AGBL4: variants seen among roughly 807,000 people sequenced by gnomAD.
AGBL4 encodes AGBL carboxypeptidase 4.
AGBL4 carries 58 observed loss-of-function variants against 66.4 expected under a neutral mutation model. That is an observed-to-expected ratio of 0.87 (90% CI 0.71 to 1.09). The LOEUF (loss-of-function observed/expected upper bound fraction) is 1.09, where lower values mean the gene tolerates loss of function less well. Among genes scored for constraint, AGBL4 ranks in the 50% least tolerant of loss-of-function variants. The pLI, the probability that AGBL4 is intolerant of heterozygous loss-of-function variation, is 0.00. For missense variants in AGBL4, 579 were observed against 631.0 expected, an observed-to-expected ratio of 0.92 and a Z score of 0.88; for synonymous variants, 234 against 222.9, an observed-to-expected ratio of 1.05 and a Z score of -0.44.
intron 5 of AGBL4, among the ~76,000 whole-genome samples, chr1:48,873,135 C>T (rs1175679069): frequency 1.3e-5 from 2 of 152,140 alleles, no homozygotes; most frequent in African/African-American, 2.4e-5. Context: ...CATCAGGATT[C>T]CTATAAGACA....
chr1:48,563,981 T>A (rs1644435278), intron 11 of AGBL4, among the ~76,000 whole-genome samples: 1 of 152,188 alleles, frequency 6.6e-6, no homozygotes. Context: ...CACATTTGTG[T>A]ACCTTCTCCT....
At chr1:49,679,096 T>C (rs948611784) in intron 3 of AGBL4, among the ~76,000 whole-genome samples, 9 of 152,172 alleles carry the variant, frequency 5.9e-5, no homozygotes, top group African/African-American at 2.2e-4. Context: ...TCGTTGATGA[T>C]TTTACATCTA....
intron 4 of AGBL4, among the ~76,000 whole-genome samples, chr1:49,130,138 T>C (rs989577181): frequency 4.6e-5 from 7 of 152,330 alleles, no homozygotes; most frequent in African/African-American, 1.7e-4. Context: ...GTTCATGTCC[T>C]TTGCCCACTT....
intron 2 of AGBL4, among the ~76,000 whole-genome samples, chr1:49,789,801 G>T (rs574909297): frequency 1.3e-5 from 2 of 152,190 alleles, no homozygotes; most frequent in South Asian, 4.2e-4. Flanking sequence ...GGCTACCATT[G>T]ACTTTCTTCA....
At chr1:48,799,165 A>G (rs968732229) in intron 6 of AGBL4, among the ~76,000 whole-genome samples, 1 of 152,106 alleles carries the variant, frequency 6.6e-6, no homozygotes, top group Non-Finnish European at 1.5e-5. Context: ...ATGTGTTTCC[A>G]TTTGTTTGTT....
intron 6 of AGBL4, among the ~76,000 whole-genome samples, chr1:48,827,581 G>A (rs1646453798): frequency 1.3e-5 from 2 of 152,110 alleles, no homozygotes; most frequent in Non-Finnish European, 2.9e-5. Context: ...CTGGATAACT[G>A]CCCCATGCAG....
At chr1:49,474,242 G>A (rs1646804808) in intron 3 of AGBL4, among the ~76,000 whole-genome samples, 1 of 151,912 alleles carries the variant, frequency 6.6e-6, no homozygotes, top group Non-Finnish European at 1.5e-5. Flanking sequence ...TAATGATATT[G>A]GTTCTTCCAA....
At position 48,534,200 on chromosome 1, in the gene AGBL4, G is replaced by T. The variant is rs1346227936; in HGVS notation, c.1485C>A (p.Asn495Lys). 4 of 1,551,478 alleles carry T rather than the reference G, an allele frequency of 2.6e-6. No homozygotes were observed. The Admixed American group carries it at 7.8e-5, about 30-fold the overall frequency. The change falls in exon 14 of 14, where the codon AAC (asparagine) becomes AAA (lysine). Residue 495 changes from asparagine (N) to lysine (K), a missense_variant. Transcript: ENST00000371839. ...NSKGDKKSSV[N>K]HKDPSTPF ...AAAAAGGGGTTGAAGGGTCTTTGTG[G>T]TTCACTGAGCTCTTCTTGTCCCCTT...
At chr1:50,020,669 A>C (rs1412409284) in intron 1 of AGBL4, among the ~76,000 whole-genome samples, 1 of 152,222 alleles carries the variant, frequency 6.6e-6, no homozygotes, top group Non-Finnish European at 1.5e-5. Flanking sequence ...TGTCAAAAAA[A>C]CTAATCTTCT....
At chr1:48,907,601 C>T (rs1290786073) in intron 5 of AGBL4, among the ~76,000 whole-genome samples, 3 of 152,162 alleles carry the variant, frequency 2.0e-5, no homozygotes, top group African/African-American at 7.2e-5. Flanking sequence ...CATTCCATAG[C>T]CTGGAGGTCC....
chr1:49,245,715 G>T, intron 4 of AGBL4, 55 bp downstream of exon 4: 1 of 1,330,534 alleles, frequency 7.5e-7, no homozygotes, highest in South Asian at 1.3e-5. Context: ...TATATGTATG[G>T]GGTCTGGGAC....
At chr1:49,877,924 T>C (rs1297666481) in intron 1 of AGBL4, among the ~76,000 whole-genome samples, 2 of 152,184 alleles carry the variant, frequency 1.3e-5, no homozygotes, top group Non-Finnish European at 2.9e-5. Context: ...CCATTTCTTC[T>C]AGATTTTCTA....
At chr1:49,376,793 T>C (rs1489654541) in intron 3 of AGBL4, among the ~76,000 whole-genome samples, 1 of 152,096 alleles carries the variant, frequency 6.6e-6, no homozygotes, top group Non-Finnish European at 1.5e-5. Flanking sequence ...AGATCCCTAC[T>C]TGTATTGTTA....
At chr1:49,137,855 C>G (rs1042419319) in intron 4 of AGBL4, among the ~76,000 whole-genome samples, 1 of 151,952 alleles carries the variant, frequency 6.6e-6, no homozygotes, top group East Asian at 1.9e-4. Context: ...TTGGACAAGC[C>G]GAAAATAATA....
chr1:48,695,949 G>C (rs1178308103), intron 6 of AGBL4, among the ~76,000 whole-genome samples: 6 of 151,676 alleles, frequency 4.0e-5, no homozygotes, highest in Non-Finnish European at 8.8e-5. Context: ...TGCATGGCCA[G>C]GGAGTTCAGC....
intron 3 of AGBL4, among the ~76,000 whole-genome samples, chr1:49,264,269 G>A (rs931040226): frequency 6.6e-6 from 1 of 151,860 alleles, no homozygotes; most frequent in Non-Finnish European, 1.5e-5. Context: ...GTGCTTTTAT[G>A]TTATTTTATG....
chr1:48,700,146 G>A (rs1646779394), intron 6 of AGBL4, among the ~76,000 whole-genome samples: 1 of 152,110 alleles, frequency 6.6e-6, no homozygotes, highest in Non-Finnish European at 1.5e-5. Context: ...AAGGTGCCCA[G>A]CAGATAATTT....
chr1:49,041,574 C>A (rs756541333), intron 5 of AGBL4, among the ~76,000 whole-genome samples: 1 of 151,984 alleles, frequency 6.6e-6, no homozygotes, highest in Non-Finnish European at 1.5e-5. Flanking sequence ...AAATCTTGGC[C>A]CTGATATGAA....
At chr1:48,842,735 A>G (rs1639236220) in intron 6 of AGBL4, among the ~76,000 whole-genome samples, 1 of 152,208 alleles carries the variant, frequency 6.6e-6, no homozygotes, top group Non-Finnish European at 1.5e-5. Flanking sequence ...TCTTAGCAGC[A>G]TTCTTTACAA....
Sources: allele counts gnomAD v4.1 joint callset (sites outside exome capture counted in the v4.1 genomes callset), GRCh38; gene constraint gnomAD v4.1.1; transcripts MANE v1.5; gene names NCBI Gene and HGNC (gene_info 2026-07-23, HGNC 2026-07-21).